CX3CR1: variants seen among roughly 807,000 people sequenced by gnomAD.
CX3CR1 encodes the protein C-X3-C motif chemokine receptor 1.
For missense variants in CX3CR1, 363 were observed against 432.4 expected (o/e 0.84, Z 1.42); for synonymous variants, 168 against 178.5 (o/e 0.94, Z 0.47).
the CX3CR1 span, among the ~76,000 whole-genome samples, chr3:39,291,257 G>A: frequency 2.0e-5 from 3 of 151,882 alleles, no homozygotes; most frequent in Admixed American, 1.3e-4. Context: ...GGGTTTCACC[G>A]TGTTGGCCAG....
Position 39,274,463 on chromosome 3 carries a change from C to G in CX3CR1, c.-10+5491G>C, listed in dbSNP as rs866684569. 3.5e-5 allele frequency among the ~76,000 whole-genome samples: 5 copies of G among 142,118 alleles called. No homozygotes were observed. The East Asian group carries it at 1.0e-3, about 29-fold the overall frequency. The allele number at this position is 142,118 out of a possible 152,430, so 93.2% of individuals were successfully genotyped here. ...ACACAGGCCAAATGCACACCCAACC[C>G]TTCCCTCCAACCACCACCAAAAAAA... On this transcript the variant is annotated intron_variant, in intron 1 of 1. Transcript: ENST00000399220.
chr3:39,271,936 G>A (rs1156794244), intron 1 of CX3CR1, among the ~76,000 whole-genome samples: 2 of 152,242 alleles, frequency 1.3e-5, no homozygotes, highest in African/African-American at 4.8e-5. Flanking sequence ...GCAGATGCGA[G>A]TGTGGCCGTG....
At chr3:39,283,944 A>C (rs2040928255), upstream of CX3CR1, among the ~76,000 whole-genome samples, 1 of 151,028 alleles carries the variant, frequency 6.6e-6, no homozygotes, top group Non-Finnish European at 1.5e-5. Context: ...ACCTTTACAA[A>C]TAACTAAAAG....
Position 39,265,594 on chromosome 3 carries a change from G to A in CX3CR1, c.916C>T (p.His306Tyr), listed in dbSNP as rs1312869123. ...AGEKFRRYLY[H>Y]LYGKCLAVLC... Reference sequence around the variant, plus strand: ...ACAGCCAGGCATTTCCCATACAGGTGGTAAAGGTATCTTCTGAACTTCTCC... The same window carrying A: ...ACAGCCAGGCATTTCCCATACAGGTAGTAAAGGTATCTTCTGAACTTCTCC... Residue 306 changes from histidine (H) to tyrosine (Y), a missense_variant, in exon 2 of 2, where the codon CAC (histidine) becomes TAC (tyrosine). Physicochemically the swap from His to Tyr is moderately conservative, Grantham distance 83. Transcript: ENST00000399220. 6.2e-7 allele frequency: 1 copy of A among 1,614,180 alleles called. No individual in the cohort carries two copies. Among genetic ancestry groups the A allele is most frequent in the South Asian group, 1.1e-5 (1 of 91,080 alleles).
intron 1 of CX3CR1, among the ~76,000 whole-genome samples, chr3:39,274,989 G>C (rs752531601): frequency 1.4e-4 from 22 of 151,904 alleles, no homozygotes; most frequent in Non-Finnish European, 2.9e-4. Flanking sequence ...AGCCTCCCAA[G>C]TAGCTGGGAT....
At chr3:39,278,469 C>T (rs529919779) in intron 1 of CX3CR1, among the ~76,000 whole-genome samples, 43 of 152,204 alleles carry the variant, frequency 2.8e-4, no homozygotes, top group African/African-American at 8.7e-4. Context: ...GGTCCGTCAC[C>T]CACCCTGCCT....
the CX3CR1 span, among the ~76,000 whole-genome samples, chr3:39,292,614 C>CA: frequency 4.6e-5 from 7 of 152,334 alleles, no homozygotes; most frequent in South Asian, 1.2e-3. Context: ...GTGCCAGGAC[C>CA]TGTGCTAAGT....
intron 1 of CX3CR1, among the ~76,000 whole-genome samples, chr3:39,270,751 G>T (rs962923215): frequency 4.6e-5 from 7 of 152,198 alleles, no homozygotes; most frequent in African/African-American, 1.7e-4. Flanking sequence ...TAAACTTTTG[G>T]AAATGTTTTT....
chr3:39,288,302 A>G, the CX3CR1 span, among the ~76,000 whole-genome samples: 6 of 152,216 alleles, frequency 3.9e-5, no homozygotes, highest in Non-Finnish European at 8.8e-5. Flanking sequence ...CCAGGTATTT[A>G]GAAAGCACAT....
intron 1 of CX3CR1, among the ~76,000 whole-genome samples, chr3:39,272,455 G>T (rs1444327977): frequency 6.6e-6 from 1 of 152,076 alleles, no homozygotes; most frequent in South Asian, 2.1e-4. Context: ...TAACTTTTTA[G>T]GGGAGGGACA....
upstream of CX3CR1, chr3:39,281,617 C>T (rs2040900187): frequency 1.3e-6 from 2 of 1,599,284 alleles, no homozygotes; most frequent in Non-Finnish European, 1.7e-6. Flanking sequence ...ACCCCACTGG[C>T]CATTCTCCAC....
intron 1 of CX3CR1, among the ~76,000 whole-genome samples, chr3:39,272,035 C>T (rs1049353973): frequency 6.6e-6 from 1 of 152,174 alleles, no homozygotes; most frequent in Non-Finnish European, 1.5e-5. Context: ...TCCTTTGTCC[C>T]TGAGGGACAC....
At chr3:39,281,825 G>T, upstream of CX3CR1, 1 of 702,484 alleles carries the variant, frequency 1.4e-6, no homozygotes, top group Non-Finnish European at 2.5e-6. Flanking sequence ...AACTCACCTG[G>T]CTGTCCTGTC....
chr3:39,291,115 A>G, the CX3CR1 span, among the ~76,000 whole-genome samples: 2,542 of 150,366 alleles, frequency 0.017, 68 homozygotes, highest in African/African-American at 0.058. Context: ...GGAGTGCAAT[A>G]GCGCAATCTC....
chr3:39,269,019 TC>T lies in CX3CR1; in HGVS notation c.-9-2502del, dbSNP rs1270245862. On this transcript the variant is annotated intron_variant, in intron 1 of 1. Transcript: ENST00000399220. ...CTTTAAAGGTCACTTTATTTTTTTT[TC>T]CCCCTGAAATAAGACATGCTTTCTT... Among the ~76,000 whole-genome samples, 3 of 151,946 alleles carry T rather than the reference TC, an allele frequency of 2.0e-5. No homozygotes were observed. In the East Asian group the frequency reaches 5.8e-4, roughly 29 times the overall value.
upstream of CX3CR1, among the ~76,000 whole-genome samples, chr3:39,283,106 C>T (rs1448634886): frequency 6.6e-6 from 1 of 152,140 alleles, no homozygotes; most frequent in African/African-American, 2.4e-5. Flanking sequence ...ACCCAGGCTG[C>T]TCTTGAACTC....
the CX3CR1 span, chr3:39,287,717 T>A: frequency 6.6e-6 from 1 of 152,234 alleles, no homozygotes; most frequent in African/African-American, 2.4e-5. Context: ...ATGATCAAGA[T>A]TTTGTAAATC....
At chr3:39,266,645 A>T in intron 1 of CX3CR1, 127 bp from the exon 2 acceptor site, 1 of 892,134 alleles carries the variant, frequency 1.1e-6, no homozygotes, top group South Asian at 1.3e-5. Flanking sequence ...TACATTTCCC[A>T]ACTTCCCACT....
At chr3:39,280,237 G>A, upstream of CX3CR1, 2 of 985,714 alleles carry the variant, frequency 2.0e-6, no homozygotes, top group South Asian at 4.7e-5. Context: ...GAGGGAGAGA[G>A]GTGCCACTTA....
Sources: allele counts gnomAD v4.1 joint callset (sites outside exome capture counted in the v4.1 genomes callset), GRCh38; gene constraint gnomAD v4.1.1; transcripts MANE v1.5; gene names NCBI Gene and HGNC (gene_info 2026-07-23, HGNC 2026-07-21).